SLC35F1: variants seen among roughly 807,000 people sequenced by gnomAD.
The protein encoded by SLC35F1 is chromosome 6 open reading frame 169.
SLC35F1 carries 14 observed loss-of-function variants against 48.7 expected under a neutral mutation model. The observed-to-expected ratio is 0.29, with a 90% CI of 0.19 to 0.45. The LOEUF (loss-of-function observed/expected upper bound fraction) is 0.45. SLC35F1 is among the 20% of genes least tolerant of loss of function. The pLI, the probability that SLC35F1 is intolerant of heterozygous loss-of-function variation, is 1.00. For missense variants in SLC35F1, 404 were observed against 500.0 expected (o/e 0.81, Z 1.83); for synonymous variants, 190 against 202.2 (o/e 0.94, Z 0.51).
intron 2 of SLC35F1, among the ~76,000 whole-genome samples, chr6:118,222,397 T>C (rs1202518085): frequency 6.6e-6 from 1 of 152,010 alleles, no homozygotes; most frequent in Admixed American, 6.6e-5. Flanking sequence ...CAAATTTAGG[T>C]GCTTTTTTTT....
chr6:118,070,449 T>C (rs1772685609), intron 1 of SLC35F1, among the ~76,000 whole-genome samples: 1 of 152,168 alleles, frequency 6.6e-6, no homozygotes. Flanking sequence ...CACTCTTGAA[T>C]AGGACTTAAA....
At chr6:118,168,575 G>A (rs549905575) in intron 2 of SLC35F1, among the ~76,000 whole-genome samples, 11 of 152,088 alleles carry the variant, frequency 7.2e-5, no homozygotes, top group East Asian at 1.9e-4. Context: ...AACTGAAACC[G>A]TGGAAAGTGA....
chr6:118,009,170 G>A (rs189676996), intron 1 of SLC35F1, among the ~76,000 whole-genome samples: 16 of 152,236 alleles, frequency 1.1e-4, no homozygotes, highest in Admixed American at 5.2e-4. Flanking sequence ...CACGTGTCAG[G>A]CACTGTGCTC....
At chr6:117,940,989 C>G (rs967628738) in intron 1 of SLC35F1, among the ~76,000 whole-genome samples, 1 of 152,084 alleles carries the variant, frequency 6.6e-6, no homozygotes, top group African/African-American at 2.4e-5. Context: ...CATCTGAAAA[C>G]TTCTCTTCAA....
At chr6:118,158,928 A>T (rs1275047520) in intron 2 of SLC35F1, among the ~76,000 whole-genome samples, 3 of 152,188 alleles carry the variant, frequency 2.0e-5, no homozygotes, top group Non-Finnish European at 4.4e-5. Context: ...TAAAATTTTT[A>T]AAAAATGCTC....
intron 1 of SLC35F1, among the ~76,000 whole-genome samples, chr6:118,097,492 G>T (rs1399689017): frequency 1.3e-5 from 2 of 152,088 alleles, no homozygotes; most frequent in African/African-American, 4.8e-5. Context: ...TGACTTGGGG[G>T]TGTGCATTTA....
intron 1 of SLC35F1, among the ~76,000 whole-genome samples, chr6:117,913,699 A>T (rs966951002): frequency 6.6e-6 from 1 of 152,132 alleles, no homozygotes; most frequent in Non-Finnish European, 1.5e-5. Context: ...GTGGCAACTC[A>T]GTTAGTTAGT....
chr6:118,233,267 G>T (rs972752120), intron 2 of SLC35F1, among the ~76,000 whole-genome samples: 2 of 152,174 alleles, frequency 1.3e-5, no homozygotes, highest in Non-Finnish European at 2.9e-5. Flanking sequence ...GCCCAGCCAG[G>T]ACTTTTTAAA....
intron 1 of SLC35F1, among the ~76,000 whole-genome samples, chr6:118,116,238 A>G (rs1773474674): frequency 6.6e-6 from 1 of 152,188 alleles, no homozygotes. Context: ...AGGCGACAAA[A>G]GAGAGCTGGC....
chr6:118,247,680 G>GAATCCAGAAAGTATTATC (rs1259509584), intron 3 of SLC35F1, among the ~76,000 whole-genome samples: 2 of 147,572 alleles, frequency 1.4e-5, no homozygotes, highest in African/African-American at 5.4e-5. Flanking sequence ...AAACACTTCT[G>GAATCCAGAAAGTATTATC]TAGTCCAGTA....
At chr6:117,924,487 TATATAC>T (rs1001986922) in intron 1 of SLC35F1, among the ~76,000 whole-genome samples, 14 of 17,376 alleles carry the variant, frequency 8.1e-4, no homozygotes, top group African/African-American at 1.3e-3. Context: ...TGTATATACG[TATATAC>T]ATATGTATAT....
chr6:117,920,481 G>A (rs919080863), intron 1 of SLC35F1, among the ~76,000 whole-genome samples: 2 of 152,188 alleles, frequency 1.3e-5, no homozygotes, highest in African/African-American at 2.4e-5. Flanking sequence ...AACTACTTGC[G>A]GAGAAAGTCT....
chr6:118,137,433 A>G (rs1423889318), intron 1 of SLC35F1, among the ~76,000 whole-genome samples: 1 of 152,144 alleles, frequency 6.6e-6, no homozygotes, highest in Non-Finnish European at 1.5e-5. Context: ...TTGGATCTGG[A>G]CTCAGAGGAA....
chr6:118,094,143 A>G (rs1160422391), intron 1 of SLC35F1, among the ~76,000 whole-genome samples: 1 of 152,172 alleles, frequency 6.6e-6, no homozygotes, highest in East Asian at 1.9e-4. Flanking sequence ...ATGGGGGAAA[A>G]TCGAGATGCA....
intron 1 of SLC35F1, among the ~76,000 whole-genome samples, chr6:118,022,264 T>C (rs1777404648): frequency 6.6e-6 from 1 of 152,180 alleles, no homozygotes; most frequent in South Asian, 2.1e-4. Context: ...TGAGGACTAA[T>C]CCGGAAGTTT....
intron 1 of SLC35F1, among the ~76,000 whole-genome samples, chr6:118,051,314 T>C (rs986278984): frequency 3.9e-5 from 6 of 152,310 alleles, no homozygotes; most frequent in Middle Eastern, 3.4e-3. Context: ...TCAGTATGCA[T>C]TGATTCTTAC....
At chr6:118,252,877 G>A (rs1178315727) in intron 3 of SLC35F1, among the ~76,000 whole-genome samples, 1 of 152,136 alleles carries the variant, frequency 6.6e-6, no homozygotes, top group Non-Finnish European at 1.5e-5. Flanking sequence ...AGACACTCAG[G>A]ATTCAGACCT....
chr6:118,106,263 A>G (rs1195688399), intron 1 of SLC35F1, among the ~76,000 whole-genome samples: 1 of 152,182 alleles, frequency 6.6e-6, no homozygotes, highest in Non-Finnish European at 1.5e-5. Context: ...TTTTTAAACT[A>G]TGAATTCTTT....
At chr6:117,926,330 G>A (rs562445968) in intron 1 of SLC35F1, among the ~76,000 whole-genome samples, 1 of 152,108 alleles carries the variant, frequency 6.6e-6, no homozygotes, top group Non-Finnish European at 1.5e-5. Context: ...GTAATTATAA[G>A]TTTCCTGAGA....
Sources: allele counts gnomAD v4.1 joint callset (sites outside exome capture counted in the v4.1 genomes callset), GRCh38; gene constraint gnomAD v4.1.1; transcripts MANE v1.5; gene names NCBI Gene and HGNC (gene_info 2026-07-23, HGNC 2026-07-21).